The following COMMD10 variants were observed in gnomAD, a reference collection of about 807,000 sequenced individuals.
COMMD10 encodes COMM domain containing 10.
In COMMD10, 33 loss-of-function variants were observed where a neutral mutation model predicts 28.9. The ratio of observed to expected loss-of-function variants is 1.14; its 90% CI spans 0.87 to 1.53. COMMD10 has a LOEUF of 1.53. Among genes scored for constraint, COMMD10 ranks in the 40% most tolerant of loss-of-function variants. The pLI is 0.00. For synonymous variants in COMMD10, 110 were observed against 81.7 expected (o/e 1.35, Z -1.87); for missense variants, 310 against 233.4 (o/e 1.33, Z -2.14).
At chr5:116,141,474 C>T (rs1057209800) in intron 5 of COMMD10, among the ~76,000 whole-genome samples, 7 of 151,706 alleles carry the variant, frequency 4.6e-5, no homozygotes, top group African/African-American at 1.7e-4. Context: ...GATGGAATTG[C>T]ATTGAATCCA....
At chr5:116,218,322 A>G (rs1379415277) in intron 5 of COMMD10, 3 of 688,936 alleles carry the variant, frequency 4.4e-6, no homozygotes, top group African/African-American at 3.5e-5. Flanking sequence ...GTGGTGGGAC[A>G]TAGGCACTGG....
intron 4 of COMMD10, among the ~76,000 whole-genome samples, chr5:116,126,913 A>G (rs1025917288): frequency 8.8e-4 from 134 of 152,374 alleles, no homozygotes; most frequent in African/African-American, 3.0e-3. Context: ...ACAAAAGCCA[A>G]AATTGACTGA....
chr5:116,129,100 G>GT (rs1220020379), intron 4 of COMMD10, among the ~76,000 whole-genome samples: 1 of 151,668 alleles, frequency 6.6e-6, no homozygotes. Flanking sequence ...CTTTGATTCA[G>GT]TATCTACTGA....
chr5:116,215,092 G>C (rs1259812735), intron 5 of COMMD10, among the ~76,000 whole-genome samples: 1 of 151,818 alleles, frequency 6.6e-6, no homozygotes, highest in Non-Finnish European at 1.5e-5. Flanking sequence ...TATTGGTTTA[G>C]TTTCTTTTGA....
intron 5 of COMMD10, among the ~76,000 whole-genome samples, chr5:116,222,376 A>G (rs1381518798): frequency 1.3e-5 from 2 of 152,202 alleles, no homozygotes; most frequent in Admixed American, 1.3e-4. Context: ...TCTTTTTAGT[A>G]TGAATTAGAA....
At chr5:116,191,975 C>T (rs1160043435) in intron 5 of COMMD10, among the ~76,000 whole-genome samples, 1 of 151,670 alleles carries the variant, frequency 6.6e-6, no homozygotes, top group African/African-American at 2.4e-5. Flanking sequence ...AGATGGTTCA[C>T]ATCACAGGAT....
At chr5:116,272,492 C>T (rs1266477055) in intron 5 of COMMD10, among the ~76,000 whole-genome samples, 14 of 151,800 alleles carry the variant, frequency 9.2e-5, no homozygotes, top group Non-Finnish European at 8.8e-5. Flanking sequence ...CATTCTTTGG[C>T]CTCCCAGAAA....
At chr5:116,261,115 G>A (rs1750432265) in intron 5 of COMMD10, among the ~76,000 whole-genome samples, 3 of 151,716 alleles carry the variant, frequency 2.0e-5, no homozygotes, top group African/African-American at 7.3e-5. Context: ...AAGTGCACCT[G>A]CATCCAAAAC....
At chr5:116,261,363 A>C (rs931897477) in intron 5 of COMMD10, among the ~76,000 whole-genome samples, 4 of 151,652 alleles carry the variant, frequency 2.6e-5, no homozygotes, top group African/African-American at 9.7e-5. Flanking sequence ...TAGCGTAATG[A>C]CTGAGTTTTA....
At chr5:116,203,279 GT>G (rs1418412270) in intron 5 of COMMD10, among the ~76,000 whole-genome samples, 1 of 152,160 alleles carries the variant, frequency 6.6e-6, no homozygotes, top group African/African-American at 2.4e-5. Context: ...GTACCTGAAA[GT>G]GACAGGGAGA....
intron 5 of COMMD10, among the ~76,000 whole-genome samples, chr5:116,252,307 G>A (rs957435956): frequency 7.7e-5 from 11 of 142,712 alleles, no homozygotes; most frequent in Non-Finnish European, 1.2e-4. Flanking sequence ...AGTTTAATTA[G>A]ATCCCATTTG....
chr5:116,183,371 C>G (rs73257219), intron 5 of COMMD10, among the ~76,000 whole-genome samples: 16,990 of 152,090 alleles, frequency 0.11, 1,371 homozygotes, highest in African/African-American at 0.22. Flanking sequence ...TTTTGAAAAT[C>G]TGGGTTTAGC....
chr5:116,093,182 C>T (rs1456614421), intron 4 of COMMD10, among the ~76,000 whole-genome samples: 5 of 152,110 alleles, frequency 3.3e-5, no homozygotes, highest in Non-Finnish European at 5.9e-5. Context: ...ATCTCTTCTT[C>T]GGCTAGTGGT....
At position 116,092,541 on chromosome 5, in the gene COMMD10, A is replaced by T; in HGVS notation, c.244-4A>T. On this transcript the variant is annotated splice_region_variant and splice_polypyrimidine_tract_variant and intron_variant, in intron 3 of 6. Coordinates refer to ENST00000274458, the MANE Select transcript of COMMD10 (RefSeq NM_016144.4). Reference sequence around the variant, plus strand: ...ATATGTAATTTTTTGTTTCTTTTTAATAGGCAGTGTATCACAATGTGAAGC... The same window carrying T: ...ATATGTAATTTTTTGTTTCTTTTTATTAGGCAGTGTATCACAATGTGAAGC... The T allele has an allele frequency of 6.5e-7, 1 of 1,548,848 alleles. No homozygotes were observed. The highest frequency in any genetic ancestry group is 8.7e-7 in the Non-Finnish European group (1 of 1,147,042).
At chr5:116,099,042 A>G (rs10059455) in intron 4 of COMMD10, among the ~76,000 whole-genome samples, 77,784 of 151,998 alleles carry the variant, frequency 0.51, 22,170 homozygotes, top group Non-Finnish European at 0.65. Context: ...ATTATTAACT[A>G]TAGTCACCAT....
intron 4 of COMMD10, among the ~76,000 whole-genome samples, chr5:116,097,206 C>T (rs1333400506): frequency 6.6e-6 from 1 of 152,014 alleles, no homozygotes; most frequent in African/African-American, 2.4e-5. Flanking sequence ...TGTACATTGT[C>T]CCATTGAGAA....
chr5:116,253,431 A>G (rs1337163163), intron 5 of COMMD10, among the ~76,000 whole-genome samples: 23 of 150,364 alleles, frequency 1.5e-4, no homozygotes, highest in African/African-American at 2.5e-4. Flanking sequence ...TTGGCTGTGG[A>G]TTTGTCATAG....
In COMMD10 at chr5:116,284,354, GTGTA is replaced by G. The variant is rs568866559; in HGVS notation, c.511-7161_511-7158del. 1.5e-4 allele frequency among the ~76,000 whole-genome samples: 23 copies of G among 151,866 alleles called. 1 individual carries two copies. The highest frequency in any genetic ancestry group is 5.6e-4 in the African/African-American group (23 of 41,236). ...TGTGTGTGTATGTATGTGTGTGTGTGTGTATATATATGTATTTAGATAGATATAC... is the reference window on the plus strand; with the variant it reads ...TGTGTGTGTATGTATGTGTGTGTGTGTATATATGTATTTAGATAGATATAC... On this transcript the variant is annotated intron_variant, in intron 5 of 6. Transcript: ENST00000274458.
intron 5 of COMMD10, among the ~76,000 whole-genome samples, chr5:116,266,319 A>AT (rs1429426257): frequency 4.0e-5 from 6 of 151,756 alleles, no homozygotes; most frequent in African/African-American, 7.3e-5. Flanking sequence ...CAAATTGTAG[A>AT]TTTTTTAAAG....
Sources: gnomAD v4.1 joint callset for allele counts (sites outside exome capture counted in the v4.1 genomes callset) on GRCh38, gnomAD v4.1.1 for gene constraint, MANE v1.5 for transcripts, NCBI Gene and HGNC (gene_info 2026-07-23, HGNC 2026-07-21) for gene names.